The following RANBP17 variants were observed in gnomAD, a reference collection of about 807,000 sequenced individuals.
RANBP17 encodes the protein ran-binding protein 17.
In RANBP17, 158 loss-of-function variants were observed where a neutral mutation model predicts 141.2. That is an observed-to-expected ratio of 1.12 (90% CI 0.98 to 1.28). The LOEUF (loss-of-function observed/expected upper bound fraction) is 1.28. Among genes scored for constraint, RANBP17 ranks in the 50% most tolerant of loss-of-function variants. The pLI, the probability that RANBP17 is intolerant of heterozygous loss-of-function variation, is 0.00. For synonymous variants in RANBP17, 430 were observed against 450.0 expected (o/e 0.96, Z 0.56); for missense variants, 1,438 against 1,290.7 (o/e 1.11, Z -1.75).
chr5:171,124,990 C>T (rs964475900), intron 14 of RANBP17, among the ~76,000 whole-genome samples: 11 of 152,098 alleles, frequency 7.2e-5, no homozygotes, highest in Admixed American at 3.9e-4. Context: ...CCTGTAGACA[C>T]GTAGATTGAA....
intron 14 of RANBP17, among the ~76,000 whole-genome samples, chr5:171,036,395 G>T (rs1781883681): frequency 6.6e-6 from 1 of 152,044 alleles, no homozygotes; most frequent in African/African-American, 2.4e-5. Flanking sequence ...GTAGTCTATG[G>T]TGTATATATG....
At position 171,024,221 on chromosome 5, in the gene RANBP17, G is replaced by A. The variant is rs533666332; in HGVS notation, c.1710+55844G>A. ...TCTGTGAAGACAGTACTGCAGGGTG[G>A]TATGATAGAGTAATGGGGGAAAGAG... is the stretch of plus-strand genomic sequence containing the variant. On this transcript the variant is annotated intron_variant, in intron 14 of 27. Coordinates refer to ENST00000523189, the MANE Select transcript of RANBP17 (RefSeq NM_022897.5). 2.6e-5 allele frequency among the ~76,000 whole-genome samples: 4 copies of A among 152,242 alleles called. No homozygotes were observed. The East Asian group carries it at 7.7e-4, about 29-fold the overall frequency.
At position 171,293,957 on chromosome 5, in the gene RANBP17, G is replaced by A. The variant is rs368050838; in HGVS notation, c.3018G>A (p.Leu1006=). 283 of 1,613,684 alleles carry A rather than the reference G, an allele frequency of 1.8e-4. 3 individuals are homozygous for A. In the South Asian group the frequency reaches 2.9e-3, roughly 17 times the overall value. ...AGTGGTCAGTATCCAGGCCTCTCCT[G>A]GGGCTCATCCTGCTCAATGAGAAGG... ...RNQWSVSRPL[L]GLILLNEKYF... is the part of the protein sequence containing the mutation. The change falls in exon 26 of 28, where the codon CTG becomes CTA. Residue 1006 remains leucine (L), a synonymous_variant. Coordinates refer to ENST00000523189, the MANE Select transcript of RANBP17 (RefSeq NM_022897.5).
chr5:171,032,794 A>G lies in RANBP17; in HGVS notation c.1710+64417A>G, dbSNP rs1268813167. Among the ~76,000 whole-genome samples the G allele has an allele frequency of 2.6e-5, 4 of 152,252 alleles. No homozygotes were observed. In the East Asian group the frequency reaches 5.8e-4, roughly 22 times the overall value. On this transcript the variant is annotated intron_variant, in intron 14 of 27. Coordinates refer to ENST00000523189, the MANE Select transcript of RANBP17 (RefSeq NM_022897.5). ...CATATTCTCAAATTGCTTGCTTGCT[A>G]TAAAACTAAATAGACACAAGACAAC... is the stretch of plus-strand genomic sequence containing the variant.
At chr5:171,211,311 G>T (rs576725697) in intron 20 of RANBP17, among the ~76,000 whole-genome samples, 6 of 151,922 alleles carry the variant, frequency 3.9e-5, no homozygotes, top group Non-Finnish European at 7.4e-5. Flanking sequence ...ACTCAGGCTG[G>T]AGTGCAGTGG....
intron 5 of RANBP17, chr5:170,903,900 A>G (rs1431994650): frequency 3.1e-5 from 16 of 523,098 alleles, no homozygotes; most frequent in South Asian, 1.2e-4. Flanking sequence ...TGAAATCAGC[A>G]TGAATTTAGT....
chr5:170,934,768 T>C (rs1242965582), intron 12 of RANBP17, among the ~76,000 whole-genome samples: 2 of 152,210 alleles, frequency 1.3e-5, no homozygotes, highest in African/African-American at 4.8e-5. Flanking sequence ...TTGGTGAATC[T>C]GACAATTATG....
Position 170,999,336 on chromosome 5 carries a change from T to C in RANBP17, c.1710+30959T>C, listed in dbSNP as rs76793872. 1.3e-3 allele frequency among the ~76,000 whole-genome samples: 201 copies of C among 152,232 alleles called. 3 individuals are homozygous for C. The East Asian group carries it at 0.036, about 28-fold the overall frequency. On this transcript the variant is annotated intron_variant, in intron 14 of 27. Coordinates refer to ENST00000523189, the MANE Select transcript of RANBP17 (RefSeq NM_022897.5). ...ATAAATAGCCTAGTTTTTCAATTGG[T>C]ATAAGCTGGCTTTATTTTATACTGC...
intron 14 of RANBP17, among the ~76,000 whole-genome samples, chr5:171,081,650 A>C (rs1030640087): frequency 1.3e-5 from 2 of 152,178 alleles, no homozygotes; most frequent in Non-Finnish European, 2.9e-5. Context: ...AAGAAAATCA[A>C]CTTAGTTTTG....
intron 24 of RANBP17, among the ~76,000 whole-genome samples, chr5:171,244,493 C>G (rs1304014653): frequency 6.6e-6 from 1 of 152,144 alleles, no homozygotes; most frequent in Non-Finnish European, 1.5e-5. Context: ...GTTGCCCAGG[C>G]TGGAGTGCAG....
intron 14 of RANBP17, among the ~76,000 whole-genome samples, chr5:171,000,746 A>G (rs965661864): frequency 3.3e-5 from 5 of 152,150 alleles, no homozygotes; most frequent in Admixed American, 1.3e-4. Context: ...GTTAGGAGCA[A>G]TGTTTTACGG....
At chr5:171,105,793 T>A (rs79116368) in intron 14 of RANBP17, among the ~76,000 whole-genome samples, 1 of 152,230 alleles carries the variant, frequency 6.6e-6, no homozygotes, top group Non-Finnish European at 1.5e-5. Context: ...TCAGTTTTTT[T>A]AGACATTAGT....
chr5:171,251,940 T>A, intron 24 of RANBP17: 1 of 1,608,512 alleles, frequency 6.2e-7, no homozygotes, highest in Non-Finnish European at 8.5e-7. Context: ...GATTAGTCAG[T>A]TTTGGGAATA....
chr5:170,957,213 G>C (rs997978013), intron 13 of RANBP17, among the ~76,000 whole-genome samples: 1 of 152,082 alleles, frequency 6.6e-6, no homozygotes, highest in Non-Finnish European at 1.5e-5. Flanking sequence ...AGCAGCAAAC[G>C]TATTGAACAT....
rs34304503 is a variant in RANBP17, at chr5:171,258,118, TACACACACACACACACACACACACAC to T, written c.2777-7546_2777-7521del. On this transcript the variant is annotated intron_variant, in intron 24 of 27. Coordinates refer to ENST00000523189, the MANE Select transcript of RANBP17 (RefSeq NM_022897.5). The stretch of plus-strand genomic sequence containing the variant: ...CAAAACTCCATCTAAAAAAAAAAAA[TACACACACACACACACACACACACAC>T]ACACACACACACACACCCCTAGGAA... Among the ~76,000 whole-genome samples the T allele has an allele frequency of 7.8e-5, 10 of 128,298 alleles. No individual in the cohort carries two copies. The South Asian group carries it at 2.4e-3, about 31-fold the overall frequency. 84.2% of individuals were successfully genotyped at this position (128,298 alleles called of 152,430 possible).
chr5:171,255,643 A>G (rs779513402), intron 24 of RANBP17, among the ~76,000 whole-genome samples: 1 of 152,180 alleles, frequency 6.6e-6, no homozygotes, highest in Non-Finnish European at 1.5e-5. Context: ...TTTGAAGTTT[A>G]TCAAAAATTC....
intron 14 of RANBP17, among the ~76,000 whole-genome samples, chr5:171,114,890 G>T (rs1031852043): frequency 6.6e-6 from 1 of 151,880 alleles, no homozygotes; most frequent in African/African-American, 2.4e-5. Context: ...AAGGCAGGAG[G>T]ATCACTTGAA....
intron 12 of RANBP17, among the ~76,000 whole-genome samples, chr5:170,943,427 C>T (rs546265029): frequency 5.3e-5 from 8 of 152,090 alleles, no homozygotes; most frequent in Non-Finnish European, 8.8e-5. Flanking sequence ...CAGTAGTTAA[C>T]GTTTACTTGT....
intron 24 of RANBP17, among the ~76,000 whole-genome samples, chr5:171,263,049 C>T (rs1247665089): frequency 6.6e-6 from 1 of 152,182 alleles, no homozygotes; most frequent in Non-Finnish European, 1.5e-5. Flanking sequence ...TACTACTAAA[C>T]ACAACTTAAG....
Sources: allele counts gnomAD v4.1 joint callset (sites outside exome capture counted in the v4.1 genomes callset), GRCh38; gene constraint gnomAD v4.1.1; transcripts MANE v1.5; gene names NCBI Gene and HGNC (gene_info 2026-07-23, HGNC 2026-07-21).